The following FNDC1 variants were observed in gnomAD, a reference collection of about 807,000 sequenced individuals.
FNDC1 encodes the protein fibronectin type III domain-containing protein 1.
In FNDC1, 96 loss-of-function variants were observed where a neutral mutation model predicts 168.0. The ratio of observed to expected loss-of-function variants is 0.57; its 90% CI spans 0.48 to 0.68. The LOEUF (loss-of-function observed/expected upper bound fraction) is 0.68, where lower values mean the gene tolerates loss of function less well. FNDC1 is among the 30% of genes least tolerant of loss of function. FNDC1 has a pLI of 0.00. For synonymous variants in FNDC1, 1,099 were observed against 1,025.9 expected, an observed-to-expected ratio of 1.07 and a Z score of -1.36; for missense variants, 2,587 against 2,482.1, an observed-to-expected ratio of 1.04 and a Z score of -0.90.
rs372373415 is a variant in FNDC1 at position 159,223,567 on chromosome 6, G to A, written c.806G>A (p.Arg269Gln). 4.3e-6 allele frequency: 7 copies of A among 1,613,624 alleles called. No homozygotes were observed. The highest frequency in any genetic ancestry group is 2.7e-5 in the African/African-American group (2 of 74,892). Residue 269 changes from arginine to glutamine, a missense_variant, in exon 7 of 23, where the codon CGG becomes CAG. Arg to Gln is a conservative substitution (Grantham distance 43). Coordinates refer to ENST00000297267, the MANE Select transcript of FNDC1 (RefSeq NM_032532.3). ...ELDVPDDISV[R>Q]VMSSQSVLVS... ...GATGTACCTGACGACATCAGCGTCC[G>A]GGTTATGTCATCTCAGTCTGTGCTT...
At position 159,238,655 on chromosome 6, in the gene FNDC1, A is replaced by C. The variant is rs777101769; in HGVS notation, c.4170A>C (p.Arg1390=). ...GGATTAAACTAGGAGGAGATGGTCG[A>C]ACCATTGTAGGTAAGGGAGAATGGT... ...PLRIKLGGDG[R]TIVDLEGTPV... The change falls in exon 13 of 23, where the codon CGA becomes CGC. Residue 1390 remains arginine (R), a synonymous_variant. Transcript: ENST00000297267. 4.4e-6 allele frequency: 7 copies of C among 1,600,110 alleles called. No homozygotes were observed. In the African/African-American group the frequency reaches 8.0e-5, roughly 18 times the overall value.
chr6:159,257,993 G>T (rs568119416), intron 18 of FNDC1, among the ~76,000 whole-genome samples: 1 of 150,600 alleles, frequency 6.6e-6, no homozygotes, highest in Non-Finnish European at 1.5e-5. Context: ...CCTTCCAGAG[G>T]CCTTGCCACA....
chr6:159,253,818 G>T (rs1777319966), intron 17 of FNDC1, among the ~76,000 whole-genome samples: 1 of 152,206 alleles, frequency 6.6e-6, no homozygotes, highest in Non-Finnish European at 1.5e-5. Flanking sequence ...CATGGGAAAC[G>T]CAGGGTTCTG....
chr6:159,209,809 T>C (rs1418840634), intron 4 of FNDC1, among the ~76,000 whole-genome samples: 1 of 152,172 alleles, frequency 6.6e-6, no homozygotes, highest in Non-Finnish European at 1.5e-5. Flanking sequence ...TTTTCATCCT[T>C]TTTTTCCTGC....
intron 17 of FNDC1, among the ~76,000 whole-genome samples, chr6:159,252,216 T>G (rs780077026): frequency 9.2e-5 from 14 of 151,942 alleles, no homozygotes; most frequent in Non-Finnish European, 1.6e-4. Flanking sequence ...TGTGAATAAT[T>G]GCAAATTTTT....
At position 159,214,275 on chromosome 6, in the gene FNDC1, C is replaced by T. The variant is rs185706643; in HGVS notation, c.461-670C>T. ...ACACTAAGTATTGATCACCAGAATA[C>T]ACTGCTTTGGGAAAGTTTATAGTGA... On this transcript the variant is annotated intron_variant, in intron 4 of 22. Coordinates refer to ENST00000297267, the MANE Select transcript of FNDC1 (RefSeq NM_032532.3). Among the ~76,000 whole-genome samples the T allele has an allele frequency of 2.0e-3, 302 of 152,296 alleles. 1 individual carries two copies. The highest frequency in any genetic ancestry group is 6.9e-3 in the African/African-American group (287 of 41,564).
At chr6:159,244,555 T>C (rs1372005022) in intron 14 of FNDC1, among the ~76,000 whole-genome samples, 1 of 152,234 alleles carries the variant, frequency 6.6e-6, no homozygotes, top group Non-Finnish European at 1.5e-5. Flanking sequence ...GTTTTTACAA[T>C]GTAATATTCA....
chr6:159,225,996 G>A (rs1782948254), intron 8 of FNDC1, among the ~76,000 whole-genome samples: 1 of 152,162 alleles, frequency 6.6e-6, no homozygotes, highest in Non-Finnish European at 1.5e-5. Flanking sequence ...CCAGTGTGTA[G>A]CATGCATCAG....
intron 14 of FNDC1, among the ~76,000 whole-genome samples, chr6:159,244,779 G>C (rs1363820257): frequency 6.6e-6 from 1 of 152,178 alleles, no homozygotes; most frequent in African/African-American, 2.4e-5. Flanking sequence ...CAGAGTACCT[G>C]AAGTTCACAT....
At chr6:159,179,921 C>A (rs781692089) in intron 1 of FNDC1, among the ~76,000 whole-genome samples, 7 of 152,202 alleles carry the variant, frequency 4.6e-5, no homozygotes, top group Non-Finnish European at 1.5e-5. Context: ...CAGTGCCCTG[C>A]TTCCCTCCCA....
chr6:159,212,603 T>G (rs949692283), intron 4 of FNDC1, among the ~76,000 whole-genome samples: 2 of 152,146 alleles, frequency 1.3e-5, no homozygotes, highest in African/African-American at 4.8e-5. Flanking sequence ...AGGGAGGACA[T>G]TCTCACTTCA....
intron 20 of FNDC1, among the ~76,000 whole-genome samples, 183 bp downstream of exon 20, chr6:159,265,187 G>A (rs1029710506): frequency 2.0e-5 from 3 of 152,076 alleles, no homozygotes; most frequent in African/African-American, 7.2e-5. Context: ...AATGACCTGG[G>A]AATTTTAAAA....
intron 4 of FNDC1, among the ~76,000 whole-genome samples, chr6:159,211,163 A>G (rs1246410796): frequency 6.6e-6 from 1 of 152,196 alleles, no homozygotes; most frequent in Non-Finnish European, 1.5e-5. Flanking sequence ...GCCTGTGAGC[A>G]TCAGGCCTGC....
chr6:159,243,616 G>A (rs750259374), intron 14 of FNDC1, among the ~76,000 whole-genome samples: 1 of 152,122 alleles, frequency 6.6e-6, no homozygotes, highest in Non-Finnish European at 1.5e-5. Context: ...ATGTTTATGT[G>A]AAGAGGCTGA....
chr6:159,207,924 G>C (rs909009929), intron 4 of FNDC1, among the ~76,000 whole-genome samples: 2 of 152,180 alleles, frequency 1.3e-5, no homozygotes, highest in South Asian at 2.1e-4. Flanking sequence ...TCTTCGCTTA[G>C]AGGCTATGAG....
At chr6:159,270,465 C>T (rs1405166019) in intron 22 of FNDC1, among the ~76,000 whole-genome samples, 2 of 152,176 alleles carry the variant, frequency 1.3e-5, no homozygotes, top group African/African-American at 2.4e-5. Context: ...CTCAGGGTTA[C>T]TAGTGCCTGC....
At chr6:159,183,347 C>T (rs1056024746) in intron 1 of FNDC1, among the ~76,000 whole-genome samples, 6 of 152,206 alleles carry the variant, frequency 3.9e-5, no homozygotes, top group African/African-American at 1.4e-4. Context: ...CTGAAAATCT[C>T]TCCTGCTTCC....
At position 159,249,145 on chromosome 6, in the gene FNDC1, A is replaced by G. The variant is rs1438374540; in HGVS notation, c.4797A>G (p.Glu1599=). 1 of 1,611,430 alleles carries G rather than the reference A, an allele frequency of 6.2e-7. No homozygotes were observed. Reference sequence around the variant, plus strand: ...AAGGCGCCATCAGTTCCTTTCCTGAAGAAGAATTTGATCTGGCTGGAAGGA... The same window carrying G: ...AAGGCGCCATCAGTTCCTTTCCTGAGGAAGAATTTGATCTGGCTGGAAGGA... ...PEEGAISSFP[E]EEFDLAGRKR... The change falls in exon 16 of 23, where the codon GAA becomes GAG. Residue 1599 remains glutamate (E), a synonymous_variant. Coordinates refer to ENST00000297267, the MANE Select transcript of FNDC1 (RefSeq NM_032532.3).
intron 1 of FNDC1, among the ~76,000 whole-genome samples, chr6:159,174,319 T>G (rs1781719747): frequency 6.6e-6 from 1 of 152,270 alleles, no homozygotes; most frequent in African/African-American, 2.4e-5. Flanking sequence ...GGGAGGTATG[T>G]GAATTGGTTA....
Sources: allele counts gnomAD v4.1 joint callset (sites outside exome capture counted in the v4.1 genomes callset), GRCh38; gene constraint gnomAD v4.1.1; transcripts MANE v1.5; gene names NCBI Gene and HGNC (gene_info 2026-07-23, HGNC 2026-07-21).